Variants in MSRB3 observed in about 807,000 individuals in gnomAD.
MSRB3 encodes the protein methionine sulfoxide reductase B3.
In MSRB3, 13 loss-of-function variants were observed where a neutral mutation model predicts 21.0. The observed-to-expected ratio is 0.62, with a 90% confidence interval of 0.40 to 0.98. MSRB3 has a LOEUF of 0.98. Ranked by LOEUF, MSRB3 falls within the 50% of genes least tolerant of loss-of-function variation. The pLI is 0.00. For missense variants in MSRB3, 199 were observed against 230.3 expected (o/e 0.86, Z 0.88); for synonymous variants, 87 against 88.6 (o/e 0.98, Z 0.10).
chr12:65,297,546 G>A (rs538073315), intron 1 of MSRB3, among the ~76,000 whole-genome samples: 2 of 152,284 alleles, frequency 1.3e-5, no homozygotes, highest in Admixed American at 6.5e-5. Flanking sequence ...GTTAGGCATC[G>A]TGTTAGGTAG....
chr12:65,280,705 T>A (rs1042820050), intron 1 of MSRB3, among the ~76,000 whole-genome samples: 4 of 152,232 alleles, frequency 2.6e-5, no homozygotes, highest in Non-Finnish European at 4.4e-5. Flanking sequence ...TTTGTCACAG[T>A]GCTTAAACTG....
At chr12:65,346,620 T>G (rs891790523) in intron 4 of MSRB3, among the ~76,000 whole-genome samples, 1 of 152,214 alleles carries the variant, frequency 6.6e-6, no homozygotes, top group Non-Finnish European at 1.5e-5. Flanking sequence ...TTGGCTTTTG[T>G]TGCCATTGCT....
chr12:65,430,193 C>G (rs1301056264), intron 5 of MSRB3, among the ~76,000 whole-genome samples: 1 of 152,144 alleles, frequency 6.6e-6, no homozygotes, highest in Non-Finnish European at 1.5e-5. Flanking sequence ...TGCTGCTGTT[C>G]ACAACACTTC....
At chr12:65,333,675 A>C (rs1010098027) in intron 4 of MSRB3, among the ~76,000 whole-genome samples, 1 of 152,202 alleles carries the variant, frequency 6.6e-6, no homozygotes, top group Non-Finnish European at 1.5e-5. Flanking sequence ...ATAAAGCCCT[A>C]TCTGATCCTT....
intron 6 of MSRB3, among the ~76,000 whole-genome samples, chr12:65,458,827 A>G (rs1883200869): frequency 6.6e-6 from 1 of 152,198 alleles, no homozygotes; most frequent in Non-Finnish European, 1.5e-5. Context: ...CCTTGATTTA[A>G]TTTATATTTT....
At chr12:65,430,904 C>A (rs1436734398) in intron 5 of MSRB3, among the ~76,000 whole-genome samples, 1 of 151,974 alleles carries the variant, frequency 6.6e-6, no homozygotes, top group African/African-American at 2.4e-5. Flanking sequence ...AAGTCTGGTG[C>A]CCTTAAAGTT....
rs112250151 is a variant in MSRB3 at position 65,419,613 on chromosome 12, C to T, written c.293-34115C>T. ...CAGTATTTGTGAAGATATGAGCCCT[C>T]AGGTCCTCGATGGTCTTGAAATAAT... is the stretch of plus-strand genomic sequence containing the variant. On this transcript the variant is annotated intron_variant, in intron 5 of 6. Transcript: ENST00000308259. 3,020 of 716,058 alleles carry T rather than the reference C, an allele frequency of 4.2e-3. 63 individuals carry two copies. In the African/African-American group the frequency reaches 0.047, roughly 11 times the overall value. The allele number at this position is 716,058 out of a possible 1,614,324, so 44.4% of individuals were successfully genotyped here.
At chr12:65,326,749 C>A (rs1875057725) in intron 2 of MSRB3, 77 bp from the exon 3 acceptor site, 2 of 1,076,406 alleles carry the variant, frequency 1.9e-6, no homozygotes, top group Admixed American at 1.9e-5. Context: ...AGAAGCTGTG[C>A]TGTGGCGGTC....
At chr12:65,409,008 A>T (rs949060931) in intron 5 of MSRB3, among the ~76,000 whole-genome samples, 12 of 152,110 alleles carry the variant, frequency 7.9e-5, no homozygotes, top group Admixed American at 4.6e-4. Context: ...TAGAGGTAAA[A>T]CATATGAAAG....
intron 2 of MSRB3, among the ~76,000 whole-genome samples, chr12:65,314,621 A>C (rs1164409156): frequency 1.3e-5 from 2 of 152,152 alleles, no homozygotes; most frequent in Non-Finnish European, 2.9e-5. Context: ...TGTATGAATA[A>C]GATGTTGGGC....
intron 1 of MSRB3, among the ~76,000 whole-genome samples, chr12:65,282,459 A>C (rs1872086771): frequency 6.6e-6 from 1 of 152,202 alleles, no homozygotes; most frequent in Non-Finnish European, 1.5e-5. Context: ...CGCATCGAAC[A>C]ATTGACTTTA....
intron 5 of MSRB3, among the ~76,000 whole-genome samples, chr12:65,437,997 T>C (rs558144262): frequency 4.6e-5 from 7 of 152,048 alleles, no homozygotes; most frequent in African/African-American, 1.7e-4. Flanking sequence ...GGGCAGACAT[T>C]GTCCCTGATG....
intron 5 of MSRB3, among the ~76,000 whole-genome samples, chr12:65,378,578 G>T (rs549254102): frequency 6.6e-6 from 1 of 152,184 alleles, no homozygotes; most frequent in Admixed American, 6.5e-5. Context: ...GTTTGTATAT[G>T]GTTGCGATGT....
At chr12:65,366,107 C>A (rs983653246) in intron 4 of MSRB3, among the ~76,000 whole-genome samples, 3 of 152,178 alleles carry the variant, frequency 2.0e-5, no homozygotes, top group Non-Finnish European at 4.4e-5. Flanking sequence ...CTCTGGCCCC[C>A]AGGTGCTCTC....
intron 1 of MSRB3, among the ~76,000 whole-genome samples, chr12:65,290,572 G>C (rs1258217370): frequency 6.6e-6 from 1 of 152,074 alleles, no homozygotes; most frequent in African/African-American, 2.4e-5. Context: ...AAAATTCTCT[G>C]GGATTCACTA....
chr12:65,417,041 C>T (rs1300933461), intron 5 of MSRB3, among the ~76,000 whole-genome samples: 3 of 152,160 alleles, frequency 2.0e-5, no homozygotes, highest in African/African-American at 4.8e-5. Flanking sequence ...TGAAAAAGTA[C>T]TGTGTCCTTT....
chr12:65,456,139 G>T (rs953070628), intron 6 of MSRB3, among the ~76,000 whole-genome samples: 6 of 152,136 alleles, frequency 3.9e-5, no homozygotes, highest in Non-Finnish European at 7.4e-5. Context: ...TGTAACTTAG[G>T]TACACAGTAT....
chr12:65,401,641 A>G (rs1592602486), intron 5 of MSRB3, among the ~76,000 whole-genome samples: 2 of 152,138 alleles, frequency 1.3e-5, no homozygotes, highest in South Asian at 4.1e-4. Flanking sequence ...TGTGTATTTG[A>G]TCCTGTCATT....
At chr12:65,295,555 C>G (rs1054119029) in intron 1 of MSRB3, among the ~76,000 whole-genome samples, 11 of 147,132 alleles carry the variant, frequency 7.5e-5, no homozygotes, top group African/African-American at 2.7e-4. Context: ...TGATGTCTCC[C>G]TTTTTTTTTT....
Sources: gnomAD v4.1 joint callset for allele counts (sites outside exome capture counted in the v4.1 genomes callset) on GRCh38, gnomAD v4.1.1 for gene constraint, MANE v1.5 for transcripts, NCBI Gene and HGNC (gene_info 2026-07-23, HGNC 2026-07-21) for gene names.